The following NINJ2 variants were observed in gnomAD, a reference collection of about 807,000 sequenced individuals.
The protein encoded by NINJ2 is ninjurin 2.
NINJ2 carries 12 observed loss-of-function variants against 11.7 expected under a neutral mutation model. The ratio of observed to expected loss-of-function variants is 1.02; its 90% CI spans 0.66 to 1.66. The LOEUF (loss-of-function observed/expected upper bound fraction) is 1.66, where lower values mean the gene tolerates loss of function less well. Among genes scored for constraint, NINJ2 ranks in the 40% most tolerant of loss-of-function variants. NINJ2 has a pLI of 0.00. For missense variants in NINJ2, 187 were observed against 181.8 expected, an observed-to-expected ratio of 1.03 and a Z score of -0.16; for synonymous variants, 93 against 76.8, an observed-to-expected ratio of 1.21 and a Z score of -1.10.
At chr12:604,575 C>T (rs11063832) in intron 1 of NINJ2, among the ~76,000 whole-genome samples, 70,567 of 151,926 alleles carry the variant, frequency 0.46, 16,868 homozygotes, top group East Asian at 0.57. Flanking sequence ...GAGGCGGAGG[C>T]TGCAGTGAGC....
At chr12:572,990 G>C (rs2120802796) in intron 1 of NINJ2, among the ~76,000 whole-genome samples, 1 of 149,676 alleles carries the variant, frequency 6.7e-6, no homozygotes, top group South Asian at 2.1e-4. Flanking sequence ...CCGAGTAGCT[G>C]GGATTACAGG....
At chr12:566,754 C>T (rs740891) in intron 1 of NINJ2, among the ~76,000 whole-genome samples, 47,285 of 152,164 alleles carry the variant, frequency 0.31, 7,348 homozygotes, top group East Asian at 0.49. Context: ...AGGCTCTCAG[C>T]ATACACATGC....
chr12:652,404 T>G (rs1001926044), intron 1 of NINJ2, among the ~76,000 whole-genome samples: 1 of 152,184 alleles, frequency 6.6e-6, no homozygotes, highest in African/African-American at 2.4e-5. Flanking sequence ...TAGCTCTGTC[T>G]TGCAAGAAAT....
chr12:628,787 G>A lies in NINJ2; in HGVS notation c.33+34541C>T, dbSNP rs896302494. On this transcript the variant is annotated intron_variant, in intron 1 of 3. Transcript: ENST00000305108. The surrounding 1 kb of genome is among the most constrained non-coding windows in gnomAD (Gnocchi z 4.4). ...GACCACTGGTTGTCCTCACTGCTCA[G>A]TATATGCCAATTATACATTAGCATG... Among the ~76,000 whole-genome samples, 1 of 152,174 alleles carries A rather than the reference G, an allele frequency of 6.6e-6. No individual in the cohort carries two copies. The highest frequency in any genetic ancestry group is 1.5e-5 in the Non-Finnish European group (1 of 68,036).
rs912674568 is a variant in NINJ2 at position 605,341 on chromosome 12, G to C, written c.34-39163C>G. Among the ~76,000 whole-genome samples, 7 of 152,178 alleles carry C rather than the reference G, an allele frequency of 4.6e-5. 1 individual carries two copies. Among genetic ancestry groups the C allele is most frequent in the Admixed American group, 3.9e-4 (6 of 15,274 alleles). On this transcript the variant is annotated intron_variant, in intron 1 of 3. Coordinates refer to ENST00000305108, the MANE Select transcript of NINJ2 (RefSeq NM_016533.6). ...TTTCATTCCTGAAAACTGGCAACTA[G>C]GCTTATACCCTTCCCCAACACCTAT...
At chr12:569,209 G>A (rs1340765493) in intron 1 of NINJ2, among the ~76,000 whole-genome samples, 2 of 152,344 alleles carry the variant, frequency 1.3e-5, no homozygotes, top group East Asian at 1.9e-4. Flanking sequence ...AAGCAAGGCT[G>A]GCTTGTCTAG....
intron 1 of NINJ2, among the ~76,000 whole-genome samples, chr12:652,554 C>A (rs1200927105): frequency 6.6e-6 from 1 of 151,862 alleles, no homozygotes; most frequent in Admixed American, 6.6e-5. Flanking sequence ...TGAAATAGGT[C>A]AGAAACTCAG....
At chr12:612,910 T>C (rs567459919) in intron 1 of NINJ2, among the ~76,000 whole-genome samples, 7 of 152,316 alleles carry the variant, frequency 4.6e-5, no homozygotes, top group African/African-American at 1.7e-4. Context: ...GACAGATTGA[T>C]CGCCTGATCG....
Position 580,597 on chromosome 12 carries a change from AAAT to A in NINJ2, c.34-14422_34-14420del, listed in dbSNP as rs377496828. Among the ~76,000 whole-genome samples, 37,974 of 121,952 alleles carry A rather than the reference AAAT, an allele frequency of 0.31. 5,539 individuals carry two copies. The highest frequency in any genetic ancestry group is 0.4 in the Non-Finnish European group (23,385 of 58,426). 80.0% of individuals were successfully genotyped at this position (121,952 alleles called of 152,430 possible). On this transcript the variant is annotated intron_variant, in intron 1 of 3. Transcript: ENST00000305108. The surrounding 1 kb of genome is among the most constrained non-coding windows in gnomAD (Gnocchi z 4.7). ...GAGAGACCCTGTCTCAAAAAAAAAAAAATATATATATATATATATCCATTTGTC... is the reference window on the plus strand; with the variant it reads ...GAGAGACCCTGTCTCAAAAAAAAAAAATATATATATATATATCCATTTGTC...
At chr12:656,788 G>A (rs1438006555) in intron 1 of NINJ2, among the ~76,000 whole-genome samples, 1 of 151,364 alleles carries the variant, frequency 6.6e-6, no homozygotes, top group African/African-American at 2.4e-5. Flanking sequence ...CAATAATTAA[G>A]ACAATGTGTT....
In NINJ2 at chr12:635,362, C is replaced by G. The variant is rs117788764; in HGVS notation, c.33+27966G>C. 4.2e-3 allele frequency among the ~76,000 whole-genome samples: 640 copies of G among 152,194 alleles called. 32 individuals carry two copies. In the East Asian group the frequency reaches 0.1, roughly 25 times the overall value. Reference sequence around the variant, plus strand: ...CACCAGGCCTGGCCCCTGTATACTTCTTTAAATGCAATAGAGCAGACATAT... The same window carrying G: ...CACCAGGCCTGGCCCCTGTATACTTGTTTAAATGCAATAGAGCAGACATAT... On this transcript the variant is annotated intron_variant, in intron 1 of 3. Transcript: ENST00000305108.
rs1164230214 is a variant in NINJ2, at chr12:657,988, C to CTTT, written c.33+5337_33+5339dup. 9.7e-4 allele frequency among the ~76,000 whole-genome samples: 53 copies of CTTT among 54,404 alleles called. 4 individuals are homozygous for CTTT. Among genetic ancestry groups the CTTT allele is most frequent in the African/African-American group, 2.1e-3 (28 of 13,428 alleles). The allele number at this position is 54,404 out of a possible 152,430, so 35.7% of individuals were successfully genotyped here. On this transcript the variant is annotated intron_variant, in intron 1 of 3. Coordinates refer to ENST00000305108, the MANE Select transcript of NINJ2 (RefSeq NM_016533.6). ...GTGTTTACACAAAAACCTACACAGG[C>CTTT]TTTTTTTTTTTTTTTTTTTTTTTTT...
chr12:632,210 A>G (rs1322947981), intron 1 of NINJ2: 1 of 152,222 alleles, frequency 6.6e-6, no homozygotes, highest in Non-Finnish European at 1.5e-5. Context: ...CTGTGTGCTT[A>G]AAGTCCTAAC....
intron 1 of NINJ2, among the ~76,000 whole-genome samples, chr12:575,332 C>A (rs996806243): frequency 6.6e-6 from 1 of 152,216 alleles, no homozygotes; most frequent in African/African-American, 2.4e-5. Context: ...GAAGAGCGAA[C>A]CCTGTGCCCT....
intron 1 of NINJ2, among the ~76,000 whole-genome samples, chr12:587,158 A>C (rs905503991): frequency 2.0e-5 from 3 of 152,180 alleles, no homozygotes; most frequent in African/African-American, 7.2e-5. Context: ...AGGGTTCAAT[A>C]GTATTGGACT....
intron 1 of NINJ2, among the ~76,000 whole-genome samples, chr12:593,822 GCAGCAGCAGCAA>G (rs564478622): frequency 1.3e-5 from 2 of 151,980 alleles, no homozygotes; most frequent in African/African-American, 2.4e-5. Flanking sequence ...AGAAGAAGAA[GCAGCAGCAGCAA>G]CAGCAGCAGC....
At chr12:594,068 A>T (rs1280207074) in intron 1 of NINJ2, among the ~76,000 whole-genome samples, 1 of 152,224 alleles carries the variant, frequency 6.6e-6, no homozygotes, top group Non-Finnish European at 1.5e-5. Context: ...CCCTTTCAAC[A>T]TCATACTGGA....
chr12:657,138 A>C (rs1444387136), intron 1 of NINJ2, among the ~76,000 whole-genome samples: 1 of 152,234 alleles, frequency 6.6e-6, no homozygotes, highest in African/African-American at 2.4e-5. Context: ...CATGAAAGAA[A>C]TAATAAACTG....
intron 1 of NINJ2, chr12:610,757 GA>G (rs1467310463): frequency 2.6e-6 from 1 of 391,120 alleles, no homozygotes; most frequent in Non-Finnish European, 3.3e-6. Flanking sequence ...TTTTGAGACG[GA>G]GTTTCGCTCT....
Sources: gnomAD v4.1 joint callset for allele counts (sites outside exome capture counted in the v4.1 genomes callset) on GRCh38, gnomAD v4.1.1 for gene constraint, Gnocchi (gnomAD v3.1) non-coding constraint, MANE v1.5 for transcripts, NCBI Gene and HGNC (gene_info 2026-07-23, HGNC 2026-07-21) for gene names.